OPTC: variants seen among roughly 807,000 people sequenced by gnomAD.
OPTC encodes oculoglycan.
A neutral mutation model predicts 25.4 loss-of-function variants in OPTC; 22 were observed. The observed-to-expected ratio is 0.87, with a 90% CI of 0.62 to 1.24. The LOEUF is 1.24. Ranked by LOEUF, OPTC falls within the 50% of genes most tolerant of loss-of-function variation. The probability of loss-of-function intolerance (pLI) is 0.00; values close to 1 mark genes in which losing one functional copy is unlikely to be tolerated. For synonymous variants in OPTC, 169 were observed against 179.3 expected (o/e 0.94, Z 0.46); for missense variants, 417 against 425.2 (o/e 0.98, Z 0.17).
intron 4 of OPTC, 85 bp downstream of exon 4, chr1:203,498,924 T>A (rs968825617): frequency 1.9e-5 from 28 of 1,459,046 alleles, no homozygotes; most frequent in Non-Finnish European, 2.6e-5. Flanking sequence ...ACTGTGTTAG[T>A]GCCCCCCGTG....
chr1:203,497,243 T>A (rs1661295766), intron 3 of OPTC, 128 bp downstream of exon 3: 1 of 937,412 alleles, frequency 1.1e-6, no homozygotes. Flanking sequence ...CTACCCTTAC[T>A]AGCAGGGAGA....
chr1:203,506,588 C>CCTG (rs1398430432), intron 7 of OPTC, among the ~76,000 whole-genome samples: 4 of 152,186 alleles, frequency 2.6e-5, no homozygotes, highest in African/African-American at 9.7e-5. Context: ...TCACCTGGCT[C>CCTG]CTGCTCTATT....
At position 203,499,761 on chromosome 1, in the gene OPTC, A is replaced by G. The variant is rs757468893; in HGVS notation, c.642A>G (p.Glu214=). 2 of 1,612,986 alleles carry G rather than the reference A, an allele frequency of 1.2e-6. No individual in the cohort carries two copies. Among genetic ancestry groups the G allele is most frequent in the South Asian group, 2.2e-5 (2 of 91,078 alleles). ...TCATCCTCCCAGAGAACCAGTTGGAAGCTCTGCCCGTGCTGCCCAGTGGCA... is the reference window on the plus strand; with the variant it reads ...TCATCCTCCCAGAGAACCAGTTGGAGGCTCTGCCCGTGCTGCCCAGTGGCA... ...QDLILPENQL[E]ALPVLPSGIE... Residue 214 remains glutamate, a synonymous_variant, in exon 5 of 8, where the codon GAA becomes GAG. Transcript: ENST00000367222.
At chr1:203,503,491 G>C (rs1056712925) in intron 6 of OPTC, 59 bp from the exon 7 acceptor site, 1 of 1,550,058 alleles carries the variant, frequency 6.5e-7, no homozygotes, top group African/African-American at 1.4e-5. Context: ...GTGAGCCTTT[G>C]GTGCTGCTTA....
In OPTC at chr1:203,502,935, C is replaced by T. The variant is rs1661413972; in HGVS notation, c.754C>T (p.Leu252Phe). 1.2e-6 allele frequency: 2 copies of T among 1,613,962 alleles called. No individual in the cohort carries two copies. Among genetic ancestry groups the T allele is most frequent in the Non-Finnish European group, 1.7e-6 (2 of 1,180,024 alleles). ...ACAGGCAATGGAGAAGCTGCAGTTC[C>T]TTTACCTGTCAGACAACCTGCTGGA... Reference protein sequence around the residue: ...AFRAMEKLQFLYLSDNLLDSI... With the variant: ...AFRAMEKLQFFYLSDNLLDSI... Residue 252 changes from leucine to phenylalanine, a missense_variant, in exon 6 of 8, where the codon CTT (leucine) becomes TTT (phenylalanine). Transcript: ENST00000367222.
intron 4 of OPTC, among the ~76,000 whole-genome samples, chr1:203,499,062 C>T (rs1243803877): frequency 2.6e-5 from 4 of 152,168 alleles, no homozygotes; most frequent in African/African-American, 4.8e-5. Context: ...TCTCCAAAAA[C>T]GTCTGGGAAG....
intron 3 of OPTC, among the ~76,000 whole-genome samples, chr1:203,497,665 A>G (rs1661302443): frequency 6.6e-6 from 1 of 152,076 alleles, no homozygotes; most frequent in South Asian, 2.1e-4. Flanking sequence ...GGAGGGGTGA[A>G]GTTCATTCTG....
intron 5 of OPTC, 100 bp from the exon 6 acceptor site, chr1:203,502,814 G>C: frequency 1.1e-6 from 1 of 920,954 alleles, no homozygotes; most frequent in Admixed American, 1.9e-5. Flanking sequence ...TGAGCCCTGA[G>C]TGAACAAATG....
intron 1 of OPTC, among the ~76,000 whole-genome samples, 195 bp from the exon 2 acceptor site, chr1:203,495,770 G>A (rs1661267336): frequency 6.6e-6 from 1 of 152,166 alleles, no homozygotes; most frequent in South Asian, 2.1e-4. Context: ...CTCAAGTGGG[G>A]CGGTGGAGGG....
At chr1:203,502,527 G>C (rs1661406652) in intron 5 of OPTC, among the ~76,000 whole-genome samples, 1 of 152,144 alleles carries the variant, frequency 6.6e-6, no homozygotes, top group Non-Finnish European at 1.5e-5. Flanking sequence ...TTAGCATTTG[G>C]AGACTTGTCA....
chr1:203,503,753 C>G lies in OPTC; in HGVS notation c.*25+8C>G. 6.3e-7 allele frequency: 1 copy of G among 1,598,070 alleles called. No homozygotes were observed. Among genetic ancestry groups the G allele is most frequent in the Non-Finnish European group, 8.5e-7 (1 of 1,178,842 alleles). On this transcript the variant is annotated splice_region_variant and intron_variant, in intron 7 of 7. Coordinates refer to ENST00000367222, the MANE Select transcript of OPTC (RefSeq NM_014359.4). ...CCCTTCCACTCCTCCCAGGTAAGAA[C>G]CCTCCAAGGACCATGCAGGCATGGG...
chr1:203,503,552 T>A lies in OPTC; in HGVS notation c.831T>A (p.Asn277Lys), dbSNP rs1269954080. ...CAGCTGGTATGTGTTCTTCCCAGAA[T>A]AACCTGATAGAGACCATGCAGAGAG... The part of the protein sequence containing the change: ...PLSLRSVHLQ[N>K]NLIETMQRDV... Residue 277 changes from asparagine (N) to lysine (K), a missense_variant and splice_region_variant, in exon 7 of 8, where the codon AAT becomes AAA. Coordinates refer to ENST00000367222, the MANE Select transcript of OPTC (RefSeq NM_014359.4). The A allele has an allele frequency of 6.2e-7, 1 of 1,613,222 alleles. No individual in the cohort carries two copies. The highest frequency in any genetic ancestry group is 8.5e-7 in the Non-Finnish European group (1 of 1,179,990).
intron 7 of OPTC, among the ~76,000 whole-genome samples, chr1:203,505,819 G>T (rs533982115): frequency 6.6e-6 from 1 of 152,312 alleles, no homozygotes; most frequent in South Asian, 2.1e-4. Context: ...AAGGCAGTGA[G>T]CCAAGGGCCC....
chr1:203,499,978 C>A, intron 5 of OPTC, 127 bp downstream of exon 5: 1 of 763,396 alleles, frequency 1.3e-6, no homozygotes, highest in Non-Finnish European at 2.2e-6. Flanking sequence ...CACCCACCTC[C>A]ACCATCACCC....
At chr1:203,504,719 G>A (rs1661449006) in intron 7 of OPTC, among the ~76,000 whole-genome samples, 1 of 152,204 alleles carries the variant, frequency 6.6e-6, no homozygotes, top group Non-Finnish European at 1.5e-5. Context: ...TCTTCACCCA[G>A]ATGCGCTTCT....
rs1421422178 is a variant in OPTC at position 203,498,669 on chromosome 1, C to T, written c.371-12C>T. 4 of 1,614,048 alleles carry T rather than the reference C, an allele frequency of 2.5e-6. No individual in the cohort carries two copies. The highest frequency in any genetic ancestry group is 1.7e-5 in the Admixed American group (1 of 60,008). ...AGAGATCTCCCTTTGTTCTGTCTTC[C>T]ACCTGGGCCAGGTCTGCCCACCTGC... On this transcript the variant is annotated splice_polypyrimidine_tract_variant and intron_variant, in intron 3 of 7. Coordinates refer to ENST00000367222, the MANE Select transcript of OPTC (RefSeq NM_014359.4).
At chr1:203,498,351 GAGGAATCCTGTGGAAAAGAGACCA>G (rs1380056963) in intron 3 of OPTC, among the ~76,000 whole-genome samples, 1 of 152,222 alleles carries the variant, frequency 6.6e-6, no homozygotes, top group African/African-American at 2.4e-5. Flanking sequence ...TGGGACCAGA[GAGGAATCCTGTGGAAAAGAGACCA>G]AGGGATTTCC....
intron 7 of OPTC, among the ~76,000 whole-genome samples, chr1:203,505,936 C>G (rs544273799): frequency 7.6e-4 from 104 of 136,084 alleles, no homozygotes; most frequent in Middle Eastern, 7.4e-3. Context: ...CTGTGTGTGT[C>G]TCTCTCTCTC....
chr1:203,498,227 T>C (rs1661309813), intron 3 of OPTC, among the ~76,000 whole-genome samples: 1 of 152,206 alleles, frequency 6.6e-6, no homozygotes, highest in Admixed American at 6.5e-5. Context: ...GTACTCCACC[T>C]TGGTTCTATT....
Sources: gnomAD v4.1 joint callset for allele counts (sites outside exome capture counted in the v4.1 genomes callset) on GRCh38, gnomAD v4.1.1 for gene constraint, MANE v1.5 for transcripts, NCBI Gene and HGNC (gene_info 2026-07-23, HGNC 2026-07-21) for gene names.